DST: variants seen among roughly 807,000 people sequenced by gnomAD.
DST encodes dystonin.
Under a neutral mutation model 875.2 loss-of-function variants are expected in DST, and 253 were observed. That is an observed-to-expected ratio of 0.29 (90% CI 0.26 to 0.32). The LOEUF (loss-of-function observed/expected upper bound fraction) is 0.32. Ranked by LOEUF, DST falls within the 10% of genes least tolerant of loss-of-function variation. DST has a pLI of 1.00. For missense variants in DST, 8,287 were observed against 9,111.6 expected, an observed-to-expected ratio of 0.91 and a Z score of 3.68; for synonymous variants, 3,124 against 3,197.1, an observed-to-expected ratio of 0.98 and a Z score of 0.77.
chr6:56,830,223 T>C (rs1314925496), intron 4 of DST, among the ~76,000 whole-genome samples: 1 of 152,158 alleles, frequency 6.6e-6, no homozygotes, highest in Non-Finnish European at 1.5e-5. Context: ...CCACACATTG[T>C]GCATTGTCAT....
intron 4 of DST, among the ~76,000 whole-genome samples, chr6:56,758,951 C>A (rs572528072): frequency 6.6e-6 from 1 of 152,214 alleles, no homozygotes; most frequent in Non-Finnish European, 1.5e-5. Context: ...AAAGAAGTTG[C>A]ACACATGTTT....
intron 9 of DST, among the ~76,000 whole-genome samples, chr6:56,687,402 C>T (rs191915673): frequency 6.6e-6 from 1 of 152,208 alleles, no homozygotes; most frequent in East Asian, 1.9e-4. Flanking sequence ...CTGTGGATGG[C>T]AGCAACTGGA....
At chr6:56,888,666 TAA>T (rs1245450610) in intron 3 of DST, among the ~76,000 whole-genome samples, 2 of 152,312 alleles carry the variant, frequency 1.3e-5, no homozygotes, top group East Asian at 3.9e-4. Context: ...GATATATGCT[TAA>T]GTCTTTCCTA....
At chr6:56,565,034 G>T (rs1420109224) in intron 55 of DST, among the ~76,000 whole-genome samples, 1 of 151,608 alleles carries the variant, frequency 6.6e-6, no homozygotes, top group Admixed American at 6.6e-5. Flanking sequence ...TTCTGTTTTT[G>T]TGTCTCTGCC....
intron 4 of DST, among the ~76,000 whole-genome samples, chr6:56,772,019 T>C (rs2152978108): frequency 6.6e-6 from 1 of 152,256 alleles, no homozygotes; most frequent in Non-Finnish European, 1.5e-5. Context: ...GTATTAGTTA[T>C]AAAAGGTTCT....
intron 2 of DST, among the ~76,000 whole-genome samples, chr6:56,944,941 T>C (rs1818679625): frequency 6.6e-6 from 1 of 152,162 alleles, no homozygotes; most frequent in Non-Finnish European, 1.5e-5. Context: ...CTCTGCCCCT[T>C]CCCTTCCTTC....
At chr6:56,871,842 A>G in intron 3 of DST, 2 of 280,160 alleles carry the variant, frequency 7.1e-6, no homozygotes, top group Non-Finnish European at 1.4e-5. Context: ...GGTAAAGCAA[A>G]TCAAGCCCAC....
chr6:56,868,686 ACTG>A lies in DST; in HGVS notation c.418-17085_418-17083del, dbSNP rs1486829534. Among the ~76,000 whole-genome samples the A allele has an allele frequency of 6.6e-4, 100 of 152,340 alleles. No homozygotes were observed. In the Middle Eastern group the frequency reaches 0.031, roughly 47 times the overall value. On this transcript the variant is annotated intron_variant, in intron 3 of 103. Transcript: ENST00000680361. ...AAAATAAAATAATTTGACAATCACA[ACTG>A]CTATTTAACAATTTTTATCTGATTT...
At chr6:56,687,707 A>T (rs577193203) in intron 9 of DST, among the ~76,000 whole-genome samples, 10 of 152,140 alleles carry the variant, frequency 6.6e-5, no homozygotes, top group Non-Finnish European at 1.3e-4. Context: ...GTTTCCAAGG[A>T]CAATTTCTTT....
chr6:56,553,729 A>T, intron 60 of DST, 74 bp from the exon 61 acceptor site: 1 of 1,355,456 alleles, frequency 7.4e-7, no homozygotes, highest in Non-Finnish European at 1.0e-6. Context: ...CCAAAATAAA[A>T]ATCTCTGAAT....
At chr6:56,821,225 C>G (rs1347395778) in intron 4 of DST, among the ~76,000 whole-genome samples, 1 of 152,170 alleles carries the variant, frequency 6.6e-6, no homozygotes, top group Non-Finnish European at 1.5e-5. Context: ...TCAGGTACTC[C>G]AATTACTCAC....
rs750169628 is a variant in DST at position 56,568,473 on chromosome 6, T to A, written c.14001A>T (p.Lys4667Asn). 1.9e-6 allele frequency: 3 copies of A among 1,598,906 alleles called. No individual in the cohort carries two copies. The East Asian group carries it at 6.8e-5, about 36-fold the overall frequency. Residue 4667 changes from lysine (K) to asparagine (N), a missense_variant, in exon 55 of 104, where the codon AAA becomes AAT. Around this residue, in one of 10 missense-constraint regions of DST, gnomAD observed 1,513 missense variants for 1,677.8 expected, o/e 0.90. Coordinates refer to ENST00000680361, the MANE Select transcript of DST (RefSeq NM_001374736.1). ...TTPAKAIAAV[K>N]SGGAVLNGEG... ...AAATGTAAATAAAGCTCATACCTGA[T>A]TTAACTGCTGCTATTGCCTTTGCAG...
chr6:56,704,332 C>T lies in DST; in HGVS notation c.725G>A (p.Arg242Lys). The change falls in exon 6 of 104, where the codon AGG becomes AAG. Residue 242 changes from arginine to lysine, a missense_variant. Physicochemically the swap from Arg to Lys is conservative, Grantham distance 26. Around this residue, in one of 10 missense-constraint regions of DST, gnomAD observed 1,160 missense variants for 1,424.3 expected, o/e 0.81. Transcript: ENST00000680361. ...KHVNDLYEDL[R>K]DGHNLISLLE... The stretch of plus-strand genomic sequence containing the variant: ...AAGAGAAATCAAATTGTGTCCATCC[C>T]TTAAGTCTTCATAGAGATCATTCAC... 1.3e-6 allele frequency: 2 copies of T among 1,578,176 alleles called. No homozygotes were observed. Among genetic ancestry groups the T allele is most frequent in the Non-Finnish European group, 1.7e-6 (2 of 1,160,750 alleles).
intron 38 of DST, 25 bp downstream of exon 38, chr6:56,611,483 A>G: frequency 3.2e-6 from 5 of 1,540,872 alleles, no homozygotes; most frequent in Non-Finnish European, 4.5e-6. Flanking sequence ...ACTTAAAATA[A>G]AAGAGCTAAC....
Position 56,557,336 on chromosome 6 carries a change from G to T in DST, c.14623C>A (p.Gln4875Lys), listed in dbSNP as rs758997568. 6.2e-7 allele frequency: 1 copy of T among 1,613,156 alleles called. No individual in the cohort carries two copies. Among genetic ancestry groups the T allele is most frequent in the South Asian group, 1.1e-5 (1 of 90,724 alleles). Residue 4875 changes from glutamine to lysine, a missense_variant, in exon 59 of 104, where the codon CAA (glutamine) becomes AAA (lysine). Gln to Lys is a moderately conservative substitution (Grantham distance 53). Around this residue, in one of 10 missense-constraint regions of DST, gnomAD observed 1,513 missense variants for 1,677.8 expected, o/e 0.90. Coordinates refer to ENST00000680361, the MANE Select transcript of DST (RefSeq NM_001374736.1). ...LSIDPNMLNT[Q>K]RQQVQILLQE... ...ATACTCACCTGCACCTGCTGCCTTT[G>T]TGTGTTTAGCATATTTGGGTCAATT...
chr6:56,746,665 G>C (rs1398570409), intron 4 of DST, among the ~76,000 whole-genome samples: 1 of 152,098 alleles, frequency 6.6e-6, no homozygotes, highest in Non-Finnish European at 1.5e-5. Flanking sequence ...TTGGTAGATG[G>C]TGTCTTTCCT....
rs544404182 is a variant in DST at position 56,721,010 on chromosome 6, C to T, written c.687+14218G>A. Among the ~76,000 whole-genome samples the T allele has an allele frequency of 2.3e-3, 326 of 141,566 alleles. 2 individuals are homozygous for T. The highest frequency in any genetic ancestry group is 8.6e-3 in the African/African-American group (296 of 34,362). 92.9% of individuals were successfully genotyped at this position (141,566 alleles called of 152,430 possible). On this transcript the variant is annotated intron_variant, in intron 5 of 103. Coordinates refer to ENST00000680361, the MANE Select transcript of DST (RefSeq NM_001374736.1). ...GCCACCTTCCAGACGGGGCGGCTGC[C>T]GGGCGGGGGCAGCCCCCTCCGCCTC...
intron 4 of DST, among the ~76,000 whole-genome samples, chr6:56,795,702 C>G (rs1450764276): frequency 6.6e-6 from 1 of 151,816 alleles, no homozygotes; most frequent in Non-Finnish European, 1.5e-5. Context: ...AAAGTGAAGC[C>G]AGGGTTAAGA....
At chr6:56,865,448 C>G (rs544711608) in intron 3 of DST, among the ~76,000 whole-genome samples, 2 of 152,236 alleles carry the variant, frequency 1.3e-5, no homozygotes, top group South Asian at 4.2e-4. Flanking sequence ...AAGCACTCCT[C>G]CCACCTCAGC....
Sources: allele counts gnomAD v4.1 joint callset (sites outside exome capture counted in the v4.1 genomes callset), GRCh38; gene constraint gnomAD v4.1.1; regional missense constraint gnomAD v4.1.1; transcripts MANE v1.5; gene names NCBI Gene and HGNC (gene_info 2026-07-23, HGNC 2026-07-21).